The following HDAC2 variants were observed in gnomAD, a reference collection of about 807,000 sequenced individuals.
HDAC2 encodes the protein histone deacetylase 2.
Under a neutral mutation model 68.5 loss-of-function variants are expected in HDAC2, and 5 were observed. The observed-to-expected ratio is 0.07, with a 90% CI of 0.04 to 0.15. HDAC2 has a LOEUF of 0.15. Ranked by LOEUF, HDAC2 falls within the 10% of genes least tolerant of loss-of-function variation. HDAC2 has a pLI of 1.00. For missense variants in HDAC2, 291 were observed against 600.8 expected, an observed-to-expected ratio of 0.48 and a Z score of 5.39; for synonymous variants, 182 against 191.3, an observed-to-expected ratio of 0.95 and a Z score of 0.40.
chr6:113,962,309 G>T, intron 1 of HDAC2: 2 of 456,168 alleles, frequency 4.4e-6, no homozygotes, highest in Non-Finnish European at 5.8e-6. Flanking sequence ...ACTCTGGCAG[G>T]GCAGCTCACA....
chr6:113,957,695 C>T (rs1451292415), intron 3 of HDAC2, among the ~76,000 whole-genome samples: 2 of 152,046 alleles, frequency 1.3e-5, no homozygotes, highest in East Asian at 3.9e-4. Flanking sequence ...GCCATGTTGG[C>T]CAGGCTGGTT....
intron 6 of HDAC2, among the ~76,000 whole-genome samples, chr6:113,949,993 G>A (rs1776371713): frequency 6.6e-6 from 1 of 152,050 alleles, no homozygotes; most frequent in African/African-American, 2.4e-5. Context: ...TGTTCAACAG[G>A]CTGGTCTCAA....
In HDAC2 at chr6:113,934,963, TTTC is replaced by T. The variant is rs1455707680; in HGVS notation, c.*6092_*6094del. The T allele has an allele frequency of 6.6e-6, 1 of 152,218 alleles. No individual in the cohort carries two copies. Among genetic ancestry groups the T allele is most frequent in the Non-Finnish European group, 1.5e-5 (1 of 68,034 alleles). The allele number at this position is 152,218 out of a possible 1,614,324, so 9.4% of individuals were successfully genotyped here. ...ATTTTTCGCACCTACTTGCCCAAAC[TTTC>T]TTATCAGATGCTGAGTTGAAAAGAA... On this transcript the variant is annotated 3_prime_UTR_variant, in exon 14 of 14. Coordinates refer to ENST00000519065, the MANE Select transcript of HDAC2 (RefSeq NM_001527.4).
chr6:113,955,317 A>G (rs1176592698), intron 5 of HDAC2, among the ~76,000 whole-genome samples: 1 of 151,908 alleles, frequency 6.6e-6, no homozygotes, highest in Non-Finnish European at 1.5e-5. Context: ...AGGTTCAAGC[A>G]ATTCTCCCAC....
intron 3 of HDAC2, among the ~76,000 whole-genome samples, chr6:113,957,522 C>T (rs1283534203): frequency 6.6e-6 from 1 of 151,498 alleles, no homozygotes; most frequent in South Asian, 2.1e-4. Context: ...CACTCTGTCG[C>T]CCAGGCTGGA....
At chr6:113,948,189 C>T (rs1776307333) in intron 8 of HDAC2, 1 of 152,136 alleles carries the variant, frequency 6.6e-6, no homozygotes, top group South Asian at 2.1e-4. Context: ...TCCTAATCCC[C>T]CACACACTTT....
chr6:113,944,557 T>G (rs527704246), intron 10 of HDAC2, 147 bp from the exon 11 acceptor site: 2 of 659,636 alleles, frequency 3.0e-6, no homozygotes, highest in East Asian at 5.5e-5. Flanking sequence ...CAGACTAGAG[T>G]GCAGTGGCAA....
Position 113,971,139 on chromosome 6 carries a change from C to G in HDAC2, c.-231G>C. 1 of 1,511,126 alleles carries G rather than the reference C, an allele frequency of 6.6e-7. No individual in the cohort carries two copies. The highest frequency in any genetic ancestry group is 8.9e-7 in the Non-Finnish European group (1 of 1,123,686). The allele number at this position is 1,511,126 out of a possible 1,614,324, so 93.6% of individuals were successfully genotyped here. A position where few individuals can be genotyped will look rare whatever the true frequency, so the allele number is the denominator to read the frequency against. ...CGGAGGTGGCAGCGGCACCAACTCG[C>G]GAGGAGGGGGCCACCAAACCACCTC... On this transcript the variant is annotated 5_prime_UTR_variant, in exon 1 of 14. Coordinates refer to ENST00000519065, the MANE Select transcript of HDAC2 (RefSeq NM_001527.4).
chr6:113,943,207 T>C (rs562835922), intron 12 of HDAC2, 144 bp downstream of exon 12: 2 of 610,664 alleles, frequency 3.3e-6, no homozygotes, highest in Non-Finnish European at 5.7e-6. Context: ...AAGTACCACT[T>C]ATATGTAAGA....
chr6:113,956,832 T>G, intron 3 of HDAC2, 139 bp from the exon 4 acceptor site: 2 of 600,052 alleles, frequency 3.3e-6, no homozygotes, highest in Non-Finnish European at 5.9e-6. Flanking sequence ...ATATAAAGTT[T>G]CCAACTTTAA....
chr6:113,961,898 A>C (rs889347957), intron 1 of HDAC2, among the ~76,000 whole-genome samples: 1 of 152,206 alleles, frequency 6.6e-6, no homozygotes, highest in Non-Finnish European at 1.5e-5. Flanking sequence ...AACAGAAAAG[A>C]CACAAACTAA....
intron 2 of HDAC2, 76 bp from the exon 3 acceptor site, chr6:113,958,842 T>C (rs950690513): frequency 2.9e-5 from 25 of 870,814 alleles, no homozygotes; most frequent in African/African-American, 6.8e-5. Flanking sequence ...ATATACAAAT[T>C]CCCCTATCGG....
At chr6:113,954,314 C>T (rs1776494634) in intron 5 of HDAC2, among the ~76,000 whole-genome samples, 1 of 152,064 alleles carries the variant, frequency 6.6e-6, no homozygotes, top group African/African-American at 2.4e-5. Flanking sequence ...TTGATATTTC[C>T]AGACTAAGCA....
rs1281765084 is a variant in HDAC2, at chr6:113,939,745, T to C, written c.*1313A>G. On this transcript the variant is annotated 3_prime_UTR_variant, in exon 14 of 14. Transcript: ENST00000519065. ...AAGAGAGCTTCAATTTCGGTGTATT[T>C]TAAGAAAAAAACACCGAAGCAAATA... 6.6e-6 allele frequency: 1 copy of C among 152,260 alleles called. No homozygotes were observed. The highest frequency in any genetic ancestry group is 2.1e-4 in the South Asian group (1 of 4,824). The allele number at this position is 152,260 out of a possible 1,614,324, so 9.4% of individuals were successfully genotyped here.
chr6:113,951,158 C>T (rs1352941739), intron 6 of HDAC2, among the ~76,000 whole-genome samples: 1 of 152,232 alleles, frequency 6.6e-6, no homozygotes, highest in African/African-American at 2.4e-5. Context: ...ATAGCTTTCT[C>T]TCTTCCAGGT....
In HDAC2 at chr6:113,970,405, C is replaced by T. The variant is rs898632694; in HGVS notation, c.52+452G>A. On this transcript the variant is annotated intron_variant, in intron 1 of 13. Coordinates refer to ENST00000519065, the MANE Select transcript of HDAC2 (RefSeq NM_001527.4). ...GCGGCCGCGGGGCTTTGTGTAGAGT[C>T]AAGGCCGGGATAGAAATTTTGCCTC... The T allele has an allele frequency of 2.2e-5, 22 of 994,420 alleles. No individual in the cohort carries two copies. In the African/African-American group the frequency reaches 3.8e-4, roughly 17 times the overall value. 61.6% of individuals were successfully genotyped at this position (994,420 alleles called of 1,614,324 possible).
At chr6:113,963,055 A>G (rs1776726387) in intron 1 of HDAC2, among the ~76,000 whole-genome samples, 1 of 151,722 alleles carries the variant, frequency 6.6e-6, no homozygotes, top group South Asian at 2.1e-4. Context: ...GTATCTCACA[A>G]TTCTCTAGAT....
chr6:113,949,312 T>G, intron 6 of HDAC2, 52 bp from the exon 7 acceptor site: 1 of 1,184,932 alleles, frequency 8.4e-7, no homozygotes. Flanking sequence ...ATAAAAAGTT[T>G]GGCATTTGTT....
chr6:113,971,118 G>A lies in HDAC2; in HGVS notation c.-210C>T. 2 of 1,545,012 alleles carry A rather than the reference G, an allele frequency of 1.3e-6. No individual in the cohort carries two copies. The highest frequency in any genetic ancestry group is 1.4e-5 in the African/African-American group (1 of 73,024). On this transcript the variant is annotated 5_prime_UTR_variant, in exon 1 of 14. Coordinates refer to ENST00000519065, the MANE Select transcript of HDAC2 (RefSeq NM_001527.4). The stretch of plus-strand genomic sequence containing the variant: ...GAGGTGCCGAAAGCTCGGAATCGGA[G>A]GTGGCAGCGGCACCAACTCGCGAGG...
Sources: allele counts gnomAD v4.1 joint callset (sites outside exome capture counted in the v4.1 genomes callset), GRCh38; gene constraint gnomAD v4.1.1; transcripts MANE v1.5; gene names NCBI Gene and HGNC (gene_info 2026-07-23, HGNC 2026-07-21).